The following NKX2-3 variants were observed in gnomAD, a reference collection of about 807,000 sequenced individuals.
NKX2-3 encodes homeobox protein Nkx-2.3.
NKX2-3 carries 3 observed loss-of-function variants against 14.2 expected under a neutral mutation model. The ratio of observed to expected loss-of-function variants is 0.21; its 90% CI spans 0.10 to 0.55. The LOEUF is 0.55. Among genes scored for constraint, NKX2-3 ranks in the 20% least tolerant of loss-of-function variants. The probability of loss-of-function intolerance (pLI) is 0.94; values close to 1 mark genes in which losing one functional copy is unlikely to be tolerated. For synonymous variants in NKX2-3, 276 were observed against 234.2 expected (o/e 1.18, Z -1.63); for missense variants, 511 against 514.5 (o/e 0.99, Z 0.06).
At chr10:99,533,835 T>C (rs1300696449) in intron 1 of NKX2-3, among the ~76,000 whole-genome samples, 1 of 152,198 alleles carries the variant, frequency 6.6e-6, no homozygotes, top group Non-Finnish European at 1.5e-5. Context: ...CCCAAAAGGC[T>C]CTTCCCCCAA....
At position 99,535,917 on chromosome 10, in the gene NKX2-3, T is replaced by C; in HGVS notation, c.*196T>C. 1 of 636,966 alleles carries C rather than the reference T, an allele frequency of 1.6e-6. No individual in the cohort carries two copies. Among genetic ancestry groups the C allele is most frequent in the Non-Finnish European group, 2.5e-6 (1 of 393,090 alleles). 39.5% of individuals were successfully genotyped at this position (636,966 alleles called of 1,614,324 possible). A position where few individuals can be genotyped will look rare whatever the true frequency, so the allele number is the denominator to read the frequency against. On this transcript the variant is annotated 3_prime_UTR_variant, in exon 2 of 2. Coordinates refer to ENST00000344586, the MANE Select transcript of NKX2-3 (RefSeq NM_145285.3). ...GGGCGAGGAGGATGACTGGGTCCGG[T>C]CGCCAGGACTGTCTCTGAGGCAGAA...
In NKX2-3 at chr10:99,535,665, A is replaced by G. The variant is rs746598095; in HGVS notation, c.1039A>G (p.Thr347Ala). ...CAGCGCACAGCCGTTGCACCAGGGT[A>G]CTGCAGCCGGGGCCGCGTGCGCTCA... Reference protein sequence around the residue: ...GGSAQPLHQGTAAGAACAQGT... With the variant: ...GGSAQPLHQGAAAGAACAQGT... Residue 347 changes from threonine (T) to alanine (A), a missense_variant, in exon 2 of 2, where the codon ACT (threonine) becomes GCT (alanine). By Grantham distance (58) the Thr-to-Ala change is moderately conservative. Coordinates refer to ENST00000344586, the MANE Select transcript of NKX2-3 (RefSeq NM_145285.3). The G allele has an allele frequency of 1.4e-5, 21 of 1,537,258 alleles. No individual in the cohort carries two copies. Among genetic ancestry groups the G allele is most frequent in the Admixed American group, 9.8e-5 (5 of 50,914 alleles).
At chr10:99,534,329 C>T (rs952849060) in intron 1 of NKX2-3, among the ~76,000 whole-genome samples, 2 of 152,234 alleles carry the variant, frequency 1.3e-5, no homozygotes, top group African/African-American at 4.8e-5. Flanking sequence ...AGTCTTTCCC[C>T]AAGAGGCGGT....
At chr10:99,534,766 C>A (rs1374268233) in intron 1 of NKX2-3, among the ~76,000 whole-genome samples, 1 of 152,248 alleles carries the variant, frequency 6.6e-6, no homozygotes, top group Admixed American at 6.5e-5. Context: ...ACTAACTACC[C>A]CTCTCCACGA....
In NKX2-3 at chr10:99,533,389, G is replaced by C; in HGVS notation, c.258G>C (p.Gly86=). 1 of 1,608,054 alleles carries C rather than the reference G, an allele frequency of 6.2e-7. No individual in the cohort carries two copies. The highest frequency in any genetic ancestry group is 8.5e-7 in the Non-Finnish European group (1 of 1,177,932). Residue 86 remains glycine, a synonymous_variant, in exon 1 of 2, where the codon GGG becomes GGC. Transcript: ENST00000344586. ...CAGCAGACGGCCACGGGGATTCAGG[G>C]CTGTGTCCCCAGGGCTATGTCCACA... ...LAAADGHGDS[G]LCPQGYVHTV... is the part of the protein sequence containing the mutation.
intron 1 of NKX2-3, among the ~76,000 whole-genome samples, chr10:99,534,131 A>G (rs1196305977): frequency 2.6e-5 from 4 of 152,198 alleles, no homozygotes; most frequent in Non-Finnish European, 5.9e-5. Context: ...TCACATCCCT[A>G]AGGCGCCAGC....
At position 99,533,083 on chromosome 10, in the gene NKX2-3, C is replaced by T. The variant is rs771892947; in HGVS notation, c.-49C>T. 7.1e-7 allele frequency: 1 copy of T among 1,407,340 alleles called. No homozygotes were observed. 87.2% of individuals were successfully genotyped at this position (1,407,340 alleles called of 1,614,324 possible). On this transcript the variant is annotated 5_prime_UTR_variant, in exon 1 of 2. Transcript: ENST00000344586. ...GAGCTGGAGCCGCCGCGCTGCCTCC[C>T]CGCCCCCGCCGGGATTTATTATTTG...
In NKX2-3 at chr10:99,535,956, G is replaced by T. The variant is rs901980971; in HGVS notation, c.*235G>T. The T allele has an allele frequency of 2.6e-5, 14 of 529,998 alleles. No homozygotes were observed. The East Asian group carries it at 4.7e-4, about 18-fold the overall frequency. 32.8% of individuals were successfully genotyped at this position (529,998 alleles called of 1,614,324 possible). A position where few individuals can be genotyped will look rare whatever the true frequency, so the allele number is the denominator to read the frequency against. On this transcript the variant is annotated 3_prime_UTR_variant, in exon 2 of 2. Coordinates refer to ENST00000344586, the MANE Select transcript of NKX2-3 (RefSeq NM_145285.3). ...TCTGAGGCAGAAACGCCGGCTGGGCGCCGGGGAGGACGATGGCCCCGACCC... is the reference window on the plus strand; with the variant it reads ...TCTGAGGCAGAAACGCCGGCTGGGCTCCGGGGAGGACGATGGCCCCGACCC...
At position 99,535,853 on chromosome 10, in the gene NKX2-3, G is replaced by C; in HGVS notation, c.*132G>C. ...TGTACGTCTAGCTCCTCAGGGCTTC[G>C]GATCGCAGCTCACTCGAGGCCTGGG... On this transcript the variant is annotated 3_prime_UTR_variant, in exon 2 of 2. Coordinates refer to ENST00000344586, the MANE Select transcript of NKX2-3 (RefSeq NM_145285.3). 9.4e-7 allele frequency: 1 copy of C among 1,066,804 alleles called. No homozygotes were observed. The highest frequency in any genetic ancestry group is 1.3e-6 in the Non-Finnish European group (1 of 780,884). 66.1% of individuals were successfully genotyped at this position (1,066,804 alleles called of 1,614,324 possible).
At position 99,535,868 on chromosome 10, in the gene NKX2-3, C is replaced by T. The variant is rs991773003; in HGVS notation, c.*147C>T. 3.8e-5 allele frequency: 36 copies of T among 955,226 alleles called. No individual in the cohort carries two copies. Among genetic ancestry groups the T allele is most frequent in the Non-Finnish European group, 5.0e-5 (34 of 679,542 alleles). 59.2% of individuals were successfully genotyped at this position (955,226 alleles called of 1,614,324 possible). ...TCAGGGCTTCGGATCGCAGCTCACT[C>T]GAGGCCTGGGGAAGGGGACTCAGGG... On this transcript the variant is annotated 3_prime_UTR_variant, in exon 2 of 2. Coordinates refer to ENST00000344586, the MANE Select transcript of NKX2-3 (RefSeq NM_145285.3).
At chr10:99,533,892 T>A (rs1264471069) in intron 1 of NKX2-3, among the ~76,000 whole-genome samples, 1 of 152,162 alleles carries the variant, frequency 6.6e-6, no homozygotes, top group African/African-American at 2.4e-5. Flanking sequence ...TAGGGTGAGA[T>A]GAGTTCTCTT....
At position 99,535,815 on chromosome 10, in the gene NKX2-3, C is replaced by T. The variant is rs1373575394; in HGVS notation, c.*94C>T. 6 of 1,361,342 alleles carry T rather than the reference C, an allele frequency of 4.4e-6. No individual in the cohort carries two copies. Among genetic ancestry groups the T allele is most frequent in the Non-Finnish European group, 5.8e-6 (6 of 1,037,854 alleles). 84.3% of individuals were successfully genotyped at this position (1,361,342 alleles called of 1,614,324 possible). A position where few individuals can be genotyped will look rare whatever the true frequency, so the allele number is the denominator to read the frequency against. ...GCCTGACCTAAAGGTCAGGTCCCCTCGTTAAAAAAATATGTACGTCTAGCT... is the reference window on the plus strand; with the variant it reads ...GCCTGACCTAAAGGTCAGGTCCCCTTGTTAAAAAAATATGTACGTCTAGCT... On this transcript the variant is annotated 3_prime_UTR_variant, in exon 2 of 2. Coordinates refer to ENST00000344586, the MANE Select transcript of NKX2-3 (RefSeq NM_145285.3).
chr10:99,533,091 G>T lies in NKX2-3; in HGVS notation c.-41G>T. The T allele has an allele frequency of 7.0e-7, 1 of 1,437,990 alleles. No homozygotes were observed. The highest frequency in any genetic ancestry group is 9.4e-7 in the Non-Finnish European group (1 of 1,064,028). The allele number at this position is 1,437,990 out of a possible 1,614,324, so 89.1% of individuals were successfully genotyped here. ...GCCGCCGCGCTGCCTCCCCGCCCCC[G>T]CCGGGATTTATTATTTGGACTGGAC... On this transcript the variant is annotated 5_prime_UTR_variant, in exon 1 of 2. Transcript: ENST00000344586.
Position 99,535,743 on chromosome 10 carries a change from G to A in NKX2-3, c.*22G>A. On this transcript the variant is annotated 3_prime_UTR_variant, in exon 2 of 2. Transcript: ENST00000344586. The stretch of plus-strand genomic sequence containing the variant: ...GTAGGGACGGGGCGGGTCACGCGGC[G>A]GGCACCCCAGCGCAGCCTGGCGCCG... The A allele has an allele frequency of 6.6e-7, 1 of 1,526,428 alleles. No individual in the cohort carries two copies. The highest frequency in any genetic ancestry group is 1.4e-5 in the African/African-American group (1 of 72,278). 94.6% of individuals were successfully genotyped at this position (1,526,428 alleles called of 1,614,324 possible).
Position 99,535,932 on chromosome 10 carries a change from C to A in NKX2-3, c.*211C>A. 1.7e-6 allele frequency: 1 copy of A among 584,962 alleles called. No individual in the cohort carries two copies. Among genetic ancestry groups the A allele is most frequent in the Non-Finnish European group, 2.8e-6 (1 of 352,596 alleles). The allele number at this position is 584,962 out of a possible 1,614,324, so 36.2% of individuals were successfully genotyped here. ...CTGGGTCCGGTCGCCAGGACTGTCT[C>A]TGAGGCAGAAACGCCGGCTGGGCGC... On this transcript the variant is annotated 3_prime_UTR_variant, in exon 2 of 2. Transcript: ENST00000344586.
intron 1 of NKX2-3, among the ~76,000 whole-genome samples, chr10:99,533,871 C>T (rs1434215532): frequency 3.3e-5 from 5 of 152,324 alleles, no homozygotes; most frequent in South Asian, 4.1e-4. Flanking sequence ...GGACCTTTTT[C>T]GTTTTCCCTC....
chr10:99,534,768 T>A (rs2033947270), intron 1 of NKX2-3, among the ~76,000 whole-genome samples: 1 of 152,156 alleles, frequency 6.6e-6, no homozygotes, highest in Admixed American at 6.5e-5. Context: ...TAACTACCCC[T>A]CTCCACGAAA....
In NKX2-3 at chr10:99,534,945, C is replaced by G. The variant is rs577561583; in HGVS notation, c.359-40C>G. On this transcript the variant is annotated intron_variant, in intron 1 of 1. Coordinates refer to ENST00000344586, the MANE Select transcript of NKX2-3 (RefSeq NM_145285.3). ...TCCAGGACAGGAGCCGCGGTGCGGC[C>G]GGGAACAGCTAAGGACGCTGTTGTT... The G allele has an allele frequency of 2.9e-4, 448 of 1,553,240 alleles. 1 individual carries two copies. The highest frequency in any genetic ancestry group is 1.4e-3 in the Admixed American group (73 of 51,874).
chr10:99,533,405 T>C lies in NKX2-3; in HGVS notation c.274T>C (p.Tyr92His), dbSNP rs758064188. 1 of 1,605,104 alleles carries C rather than the reference T, an allele frequency of 6.2e-7. No individual in the cohort carries two copies. Among genetic ancestry groups the C allele is most frequent in the Non-Finnish European group, 8.5e-7 (1 of 1,176,672 alleles). The change falls in exon 1 of 2, where the codon TAT (tyrosine) becomes CAT (histidine). Residue 92 changes from tyrosine (Y) to histidine (H), a missense_variant. Transcript: ENST00000344586. ...GGATTCAGGGCTGTGTCCCCAGGGC[T>C]ATGTCCACACGGTCCTGCGAGACTC... The part of the protein sequence containing the change: ...HGDSGLCPQG[Y>H]VHTVLRDSCS...
Sources: gnomAD v4.1 joint callset for allele counts (sites outside exome capture counted in the v4.1 genomes callset) on GRCh38, gnomAD v4.1.1 for gene constraint, MANE v1.5 for transcripts, NCBI Gene and HGNC (gene_info 2026-07-23, HGNC 2026-07-21) for gene names.